Variants in SLC8A1 observed in about 807,000 individuals in gnomAD.
The protein encoded by SLC8A1 is solute carrier family 8 member A1, also known as sodium/calcium exchanger 1.
In SLC8A1, 18 loss-of-function variants were observed where a neutral mutation model predicts 68.3. That is an observed-to-expected ratio of 0.26 (90% CI 0.18 to 0.39). The LOEUF is 0.39. Among genes scored for constraint, SLC8A1 ranks in the 10% least tolerant of loss-of-function variants. SLC8A1 has a pLI of 1.00. For synonymous variants in SLC8A1, 475 were observed against 415.5 expected (o/e 1.14, Z -1.74); for missense variants, 985 against 1,156.7 (o/e 0.85, Z 2.15).
intron 2 of SLC8A1, among the ~76,000 whole-genome samples, chr2:40,224,439 G>A (rs2058722155): frequency 6.6e-6 from 1 of 152,058 alleles, no homozygotes; most frequent in South Asian, 2.1e-4. Flanking sequence ...AGAATACGAG[G>A]GAGATAACAC....
At chr2:40,194,298 A>G (rs898485239) in intron 2 of SLC8A1, among the ~76,000 whole-genome samples, 5 of 152,134 alleles carry the variant, frequency 3.3e-5, no homozygotes, top group African/African-American at 1.2e-4. Flanking sequence ...TTACATGGAA[A>G]ATTGCTATCA....
chr2:40,157,694 T>C (rs1373658779), intron 6 of SLC8A1, among the ~76,000 whole-genome samples: 1 of 152,148 alleles, frequency 6.6e-6, no homozygotes, highest in East Asian at 1.9e-4. Flanking sequence ...GAGAAGGGCA[T>C]ATGCTGGCAC....
At chr2:40,457,928 A>C (rs189281158) in intron 1 of SLC8A1, among the ~76,000 whole-genome samples, 57 of 152,324 alleles carry the variant, frequency 3.7e-4, no homozygotes, top group African/African-American at 1.3e-3. Context: ...GGATTTGCCG[A>C]ATCCTGGCTG....
exon 2 of SLC8A1, chr2:40,428,766 T>C (rs1290650469): frequency 2.5e-6 from 4 of 1,613,724 alleles, no homozygotes; most frequent in African/African-American, 1.3e-5. Context: ...TGCCATCTTC[T>C]GAAGCTTCAG....
chr2:40,214,660 G>A lies in SLC8A1; in HGVS notation c.1809-36805C>T, dbSNP rs186393896. On this transcript the variant is annotated intron_variant, in intron 2 of 7. Coordinates refer to ENST00000406785, the Ensembl canonical transcript of SLC8A1. ...CACGGGGTTTCGCCAGGCTGGTCTC[G>A]AACTCCTGACTTCCTGATCCGCCTG... 4.9e-4 allele frequency among the ~76,000 whole-genome samples: 74 copies of A among 151,652 alleles called. No homozygotes were observed. The East Asian group carries it at 0.012, about 25-fold the overall frequency.
rs530635413 is a variant in SLC8A1 at position 40,492,030 on chromosome 2, C to T, written c.-25+20319G>A. Reference sequence around the variant, plus strand: ...TATGGAACCAAAAAAGAGCCCGCATCGCCAAGTCAATCCTAAGCCAAAAGA... The same window carrying T: ...TATGGAACCAAAAAAGAGCCCGCATTGCCAAGTCAATCCTAAGCCAAAAGA... On this transcript the variant is annotated intron_variant, in intron 1 of 7. Coordinates refer to the SLC8A1 transcript ENST00000402441. 7.9e-5 allele frequency among the ~76,000 whole-genome samples: 12 copies of T among 152,100 alleles called. No homozygotes were observed. In the East Asian group the frequency reaches 1.4e-3, roughly 17 times the overall value.
intron 1 of SLC8A1, among the ~76,000 whole-genome samples, chr2:40,465,083 G>A (rs932283125): frequency 3.9e-5 from 6 of 152,148 alleles, no homozygotes; most frequent in African/African-American, 7.2e-5. Context: ...TAGAGAAGAA[G>A]TTGTCAACTA....
At chr2:40,313,734 C>G (rs921310172) in intron 2 of SLC8A1, among the ~76,000 whole-genome samples, 1 of 151,998 alleles carries the variant, frequency 6.6e-6, no homozygotes, top group African/African-American at 2.4e-5. Context: ...CTACTCTATT[C>G]AGTGTGCATT....
intron 2 of SLC8A1, among the ~76,000 whole-genome samples, chr2:40,341,644 T>C (rs1269877165): frequency 1.3e-5 from 2 of 152,244 alleles, no homozygotes; most frequent in Admixed American, 1.3e-4. Flanking sequence ...TAAGCCTCAC[T>C]TCTTCCAACG....
In SLC8A1 at chr2:40,432,348, C is replaced by T. The variant is rs1369640032; in HGVS notation, c.-24-2044G>A. ...ATAAATATCAGAAGGTTAAAAACTC[C>T]TATGGTACATGTGTGTGCAGAACAA... On this transcript the variant is annotated intron_variant, in intron 1 of 7. Coordinates refer to ENST00000406785, the Ensembl canonical transcript of SLC8A1. Among the ~76,000 whole-genome samples the T allele has an allele frequency of 4.0e-5, 6 of 149,256 alleles. No individual in the cohort carries two copies. In the South Asian group the frequency reaches 1.3e-3, roughly 32 times the overall value.
At chr2:40,506,301 TTGGGCA>T (rs1308304021) in intron 1 of SLC8A1, among the ~76,000 whole-genome samples, 7 of 151,894 alleles carry the variant, frequency 4.6e-5, no homozygotes, top group Non-Finnish European at 8.8e-5. Flanking sequence ...ATCCAGTAAT[TTGGGCA>T]TGGTAACCCA....
chr2:40,301,434 G>A (rs2071432980), intron 2 of SLC8A1, among the ~76,000 whole-genome samples: 1 of 152,170 alleles, frequency 6.6e-6, no homozygotes, highest in Non-Finnish European at 1.5e-5. Context: ...CAAAGTTTCA[G>A]GTTTGGAAAA....
At chr2:40,150,299 A>T (rs2148368685) in intron 6 of SLC8A1, among the ~76,000 whole-genome samples, 1 of 152,302 alleles carries the variant, frequency 6.6e-6, no homozygotes, top group East Asian at 1.9e-4. Flanking sequence ...CAGGCTGTGA[A>T]CAGCAAGAAG....
rs2046348293 is a variant in SLC8A1 at position 40,165,233 on chromosome 2, TAATG to T, written c.1931-253_1931-250del. On this transcript the variant is annotated intron_variant, in intron 4 of 7. Coordinates refer to ENST00000406785, the Ensembl canonical transcript of SLC8A1. ...ATGCAAAAGTTCAGTTGAGGAAAAG[TAATG>T]TATGGGGCATATCACTGAGAAAAGA... 1.3e-5 allele frequency among the ~76,000 whole-genome samples: 2 copies of T among 152,188 alleles called. 1 individual carries two copies. The highest frequency in any genetic ancestry group is 3.9e-4 in the East Asian group (2 of 5,184).
intron 2 of SLC8A1, chr2:40,251,443 C>G (rs2062733151): frequency 6.6e-6 from 1 of 152,114 alleles, no homozygotes; most frequent in African/African-American, 2.4e-5. Flanking sequence ...GGAGAAATAA[C>G]AAGAATGGAA....
chr2:40,369,793 TG>T (rs943720802), intron 2 of SLC8A1, among the ~76,000 whole-genome samples: 11 of 152,064 alleles, frequency 7.2e-5, no homozygotes, highest in Non-Finnish European at 1.2e-4. Flanking sequence ...CATCTGTGGT[TG>T]GGCCTGACAG....
At chr2:40,280,529 C>T (rs914876424) in intron 2 of SLC8A1, among the ~76,000 whole-genome samples, 6 of 152,114 alleles carry the variant, frequency 3.9e-5, no homozygotes, top group Non-Finnish European at 8.8e-5. Flanking sequence ...ACACAAATTG[C>T]AATACCATCA....
intron 1 of SLC8A1, among the ~76,000 whole-genome samples, chr2:40,438,585 T>C (rs756534932): frequency 6.6e-6 from 1 of 152,078 alleles, no homozygotes; most frequent in Non-Finnish European, 1.5e-5. Flanking sequence ...CCATTAATAC[T>C]AGGAAGAATT....
chr2:40,306,931 G>A (rs548071496), intron 2 of SLC8A1, among the ~76,000 whole-genome samples: 41 of 152,144 alleles, frequency 2.7e-4, no homozygotes, highest in African/African-American at 9.2e-4. Flanking sequence ...GAGTATCACT[G>A]CATTTACTAT....
Sources: allele counts gnomAD v4.1 joint callset (sites outside exome capture counted in the v4.1 genomes callset), GRCh38; gene constraint gnomAD v4.1.1; transcripts MANE v1.5; gene names NCBI Gene and HGNC (gene_info 2026-07-23, HGNC 2026-07-21).